The following KAZN variants were observed in gnomAD, a reference collection of about 807,000 sequenced individuals.
The protein encoded by KAZN is kazrin.
KAZN carries 40 observed loss-of-function variants against 87.4 expected under a neutral mutation model. The observed-to-expected ratio is 0.46, with a 90% CI of 0.36 to 0.60. The LOEUF (loss-of-function observed/expected upper bound fraction) is 0.60. Among genes scored for constraint, KAZN ranks in the 20% least tolerant of loss-of-function variants. The pLI, the probability that KAZN is intolerant of heterozygous loss-of-function variation, is 0.00. For synonymous variants in KAZN, 466 were observed against 458.3 expected (o/e 1.02, Z -0.22); for missense variants, 898 against 1,073.9 (o/e 0.84, Z 2.29).
intron 2 of KAZN, among the ~76,000 whole-genome samples, chr1:14,532,240 C>G (rs559793808): frequency 6.6e-6 from 1 of 152,146 alleles, no homozygotes; most frequent in Non-Finnish European, 1.5e-5. Flanking sequence ...CCATCCACCC[C>G]CTCCAAAGCC....
At chr1:13,952,841 C>T (rs1253994145) in intron 1 of KAZN, among the ~76,000 whole-genome samples, 1 of 152,194 alleles carries the variant, frequency 6.6e-6, no homozygotes, top group Non-Finnish European at 1.5e-5. Flanking sequence ...TGGGATGTCC[C>T]TATCCCTCTC....
At chr1:14,634,770 G>T (rs2148664832) in intron 1 of KAZN, among the ~76,000 whole-genome samples, 1 of 152,332 alleles carries the variant, frequency 6.6e-6, no homozygotes, top group African/African-American at 2.4e-5. Context: ...GGGCAGGAAT[G>T]CACAGAATGC....
intron 1 of KAZN, among the ~76,000 whole-genome samples, chr1:13,962,558 A>AT: frequency 6.6e-6 from 1 of 151,522 alleles, no homozygotes; most frequent in Non-Finnish European, 1.5e-5. Context: ...TATGCTACCC[A>AT]TTTTCTTTTT....
At chr1:14,048,197 T>C (rs1018810230) in intron 1 of KAZN, among the ~76,000 whole-genome samples, 3 of 152,218 alleles carry the variant, frequency 2.0e-5, no homozygotes, top group African/African-American at 7.2e-5. Context: ...TTTAGCATAA[T>C]AATACCCAGC....
chr1:14,461,721 C>T (rs1254469790), intron 2 of KAZN, among the ~76,000 whole-genome samples: 1 of 152,110 alleles, frequency 6.6e-6, no homozygotes, highest in Non-Finnish European at 1.5e-5. Flanking sequence ...GGTGTGGTTA[C>T]ACAAATGAAC....
At chr1:14,546,955 C>T (rs369102842) in intron 2 of KAZN, among the ~76,000 whole-genome samples, 3 of 152,152 alleles carry the variant, frequency 2.0e-5, no homozygotes, top group East Asian at 3.9e-4. Context: ...TTCCTGTGCA[C>T]CTGGGAAAAC....
At chr1:14,792,647 C>T (rs577571868) in intron 1 of KAZN, among the ~76,000 whole-genome samples, 16 of 152,148 alleles carry the variant, frequency 1.1e-4, no homozygotes, top group Admixed American at 2.0e-4. Context: ...CAGAGACAAA[C>T]GCAAAGGCAC....
intron 2 of KAZN, among the ~76,000 whole-genome samples, chr1:14,351,362 G>A (rs892860965): frequency 3.3e-5 from 5 of 152,312 alleles, no homozygotes; most frequent in Admixed American, 3.3e-4. Context: ...TCAGGAGATT[G>A]AGGCCATCCT....
intron 2 of KAZN, among the ~76,000 whole-genome samples, chr1:14,458,750 T>C (rs370768512): frequency 6.6e-6 from 1 of 152,188 alleles, no homozygotes; most frequent in South Asian, 2.1e-4. Flanking sequence ...TCATTTAAAT[T>C]TGTTATTCAT....
intron 1 of KAZN, among the ~76,000 whole-genome samples, chr1:14,957,164 C>G (rs1324768257): frequency 6.6e-6 from 1 of 152,136 alleles, no homozygotes; most frequent in Non-Finnish European, 1.5e-5. Context: ...AATGTTTACC[C>G]GGAATGAGAG....
intron 1 of KAZN, among the ~76,000 whole-genome samples, chr1:14,847,542 G>A (rs781719173): frequency 3.3e-5 from 5 of 152,182 alleles, no homozygotes; most frequent in African/African-American, 7.2e-5. Context: ...GTACATCTGC[G>A]TCTGTGTAGT....
intron 2 of KAZN, among the ~76,000 whole-genome samples, chr1:14,971,903 C>T (rs1159223140): frequency 6.6e-6 from 1 of 152,120 alleles, no homozygotes; most frequent in Non-Finnish European, 1.5e-5. Context: ...CTTCCCACCT[C>T]CTCCCAGTCT....
chr1:14,670,438 C>T (rs781617426), intron 1 of KAZN, among the ~76,000 whole-genome samples: 2 of 152,170 alleles, frequency 1.3e-5, no homozygotes, highest in Admixed American at 6.5e-5. Context: ...GTTCCTAACA[C>T]GTACCTAGGT....
chr1:15,025,753 C>A (rs962681796), intron 2 of KAZN, among the ~76,000 whole-genome samples: 15 of 152,260 alleles, frequency 9.9e-5, no homozygotes, highest in Admixed American at 9.8e-4. Context: ...GATCAAGTTC[C>A]AGGTCAGCCA....
At position 14,856,851 on chromosome 1, in the gene KAZN, C is replaced by T. The variant is rs549999657; in HGVS notation, c.227-103833C>T. On this transcript the variant is annotated intron_variant, in intron 1 of 14. Transcript: ENST00000376030. This position sits in a 1 kb window ranked among gnomAD's most constrained non-coding sequence, Gnocchi z 5.2. ...CAGACTTTTTTCCTCTGTTGTCATC[C>T]TTTGATGCTTCTCCTTGGGAGGTGT... Among the ~76,000 whole-genome samples the T allele has an allele frequency of 6.6e-6, 1 of 152,246 alleles. No homozygotes were observed. Among genetic ancestry groups the T allele is most frequent in the Non-Finnish European group, 1.5e-5 (1 of 68,024 alleles).
intron 1 of KAZN, among the ~76,000 whole-genome samples, chr1:14,942,353 G>A (rs1661196185): frequency 6.6e-6 from 1 of 152,192 alleles, no homozygotes; most frequent in African/African-American, 2.4e-5. Context: ...GGAGTGCGGA[G>A]AGGAAAAAGG....
chr1:14,881,804 T>G (rs142519022), intron 1 of KAZN, among the ~76,000 whole-genome samples: 1 of 152,366 alleles, frequency 6.6e-6, no homozygotes, highest in African/African-American at 2.4e-5. Flanking sequence ...ATACTGGGGA[T>G]AAGATTACTA....
chr1:14,856,200 A>G lies in KAZN; in HGVS notation c.227-104484A>G, dbSNP rs952980729. 2.0e-5 allele frequency among the ~76,000 whole-genome samples: 3 copies of G among 152,164 alleles called. No individual in the cohort carries two copies. Among genetic ancestry groups the G allele is most frequent in the African/African-American group, 7.2e-5 (3 of 41,438 alleles). On this transcript the variant is annotated intron_variant, in intron 1 of 14. Coordinates refer to ENST00000376030, the MANE Select transcript of KAZN (RefSeq NM_201628.3). The surrounding 1 kb of genome is among the most constrained non-coding windows in gnomAD (Gnocchi z 5.2). ...TCTTGGGAGGATAATGGGCATAGAAATTGGGGAGGGGATGAAAAGAGGGGA... is the reference window on the plus strand; with the variant it reads ...TCTTGGGAGGATAATGGGCATAGAAGTTGGGGAGGGGATGAAAAGAGGGGA...
intron 1 of KAZN, among the ~76,000 whole-genome samples, chr1:14,682,655 A>G (rs761304809): frequency 1.3e-5 from 2 of 152,018 alleles, no homozygotes; most frequent in Non-Finnish European, 2.9e-5. Context: ...TTGTTGTTAT[A>G]TTTTTAATGG....
Sources: gnomAD v4.1 joint callset for allele counts (sites outside exome capture counted in the v4.1 genomes callset) on GRCh38, gnomAD v4.1.1 for gene constraint, Gnocchi (gnomAD v3.1) non-coding constraint, MANE v1.5 for transcripts, NCBI Gene and HGNC (gene_info 2026-07-23, HGNC 2026-07-21) for gene names.